EPHA3: variants seen among roughly 807,000 people sequenced by gnomAD.
EPHA3 encodes ephrin type-A receptor 3.
In EPHA3, 42 loss-of-function variants were observed where a neutral mutation model predicts 107.1. The ratio of observed to expected loss-of-function variants is 0.39; its 90% CI spans 0.31 to 0.51. The LOEUF (loss-of-function observed/expected upper bound fraction) is 0.51. Ranked by LOEUF, EPHA3 falls within the 20% of genes least tolerant of loss-of-function variation. The pLI is 0.78. For synonymous variants in EPHA3, 461 were observed against 424.8 expected, an observed-to-expected ratio of 1.09 and a Z score of -1.05; for missense variants, 1,183 against 1,211.2, an observed-to-expected ratio of 0.98 and a Z score of 0.35.
chr3:89,469,364 T>C (rs1244700037), intron 15 of EPHA3, among the ~76,000 whole-genome samples: 2 of 152,134 alleles, frequency 1.3e-5, no homozygotes, highest in African/African-American at 4.8e-5. Flanking sequence ...AAACTCAGGG[T>C]TAAAACTGCA....
chr3:89,422,914 G>C (rs1016957651), intron 11 of EPHA3, among the ~76,000 whole-genome samples: 1 of 151,322 alleles, frequency 6.6e-6, no homozygotes, highest in Non-Finnish European at 1.5e-5. Context: ...GAGAAGGTGA[G>C]AGAGTCTCTG....
intron 5 of EPHA3, among the ~76,000 whole-genome samples, chr3:89,393,466 G>A (rs577870693): frequency 6.6e-6 from 1 of 152,156 alleles, no homozygotes; most frequent in Non-Finnish European, 1.5e-5. Flanking sequence ...TTTTTTAAAG[G>A]AGAGATGCTG....
chr3:89,251,565 C>T (rs1705168424), intron 3 of EPHA3, among the ~76,000 whole-genome samples: 1 of 152,014 alleles, frequency 6.6e-6, no homozygotes. Flanking sequence ...AAACCACAGT[C>T]AGTAAAAGCT....
intron 15 of EPHA3, among the ~76,000 whole-genome samples, chr3:89,468,720 A>G (rs1383854917): frequency 1.3e-5 from 2 of 152,106 alleles, no homozygotes; most frequent in African/African-American, 2.4e-5. Context: ...ATTCTTATCA[A>G]TTTTTTAGTG....
chr3:89,345,606 C>CTTTTTTTTTTTTTTTTTTTTT (rs528144226), intron 5 of EPHA3, among the ~76,000 whole-genome samples: 1 of 136,656 alleles, frequency 7.3e-6, no homozygotes. Context: ...GTGACAATTT[C>CTTTTTTTTTTTTTTTTTTTTT]TTTTTTTTTT....
chr3:89,476,067 AG>A (rs143428154), intron 16 of EPHA3, among the ~76,000 whole-genome samples: 11,787 of 149,808 alleles, frequency 0.079, 577 homozygotes, highest in Middle Eastern at 0.13. Context: ...ATTTGCATTA[AG>A]TAAAAAAATT....
intron 2 of EPHA3, among the ~76,000 whole-genome samples, chr3:89,166,827 A>G (rs1355452391): frequency 1.3e-5 from 2 of 152,194 alleles, no homozygotes; most frequent in Non-Finnish European, 1.5e-5. Context: ...GTGCTTTTGA[A>G]TGGATAATTC....
intron 5 of EPHA3, among the ~76,000 whole-genome samples, chr3:89,395,234 T>C (rs1329479170): frequency 6.6e-6 from 1 of 152,208 alleles, no homozygotes; most frequent in Non-Finnish European, 1.5e-5. Flanking sequence ...GAAATAAAAC[T>C]GTACAAAAGA....
At chr3:89,338,641 C>T (rs1266138292) in intron 3 of EPHA3, among the ~76,000 whole-genome samples, 1 of 152,218 alleles carries the variant, frequency 6.6e-6, no homozygotes, top group Non-Finnish European at 1.5e-5. Flanking sequence ...CTCCGCCTCC[C>T]TGGTTCCCGC....
At chr3:89,254,167 T>G (rs1216074456) in intron 3 of EPHA3, among the ~76,000 whole-genome samples, 1 of 152,148 alleles carries the variant, frequency 6.6e-6, no homozygotes, top group East Asian at 1.9e-4. Flanking sequence ...CTCTTATACT[T>G]AGTAACAATA....
chr3:89,242,730 C>T (rs1378755093), intron 3 of EPHA3, among the ~76,000 whole-genome samples: 1 of 151,890 alleles, frequency 6.6e-6, no homozygotes, highest in Admixed American at 6.6e-5. Flanking sequence ...AGCCACTGTG[C>T]CTGGCCTAGT....
intron 3 of EPHA3, among the ~76,000 whole-genome samples, chr3:89,256,443 C>T (rs952843287): frequency 9.5e-5 from 14 of 147,192 alleles, no homozygotes; most frequent in Admixed American, 6.1e-4. Flanking sequence ...TGTTGGAGTG[C>T]GCCTGTAGTC....
chr3:89,211,773 C>T (rs1194760788), intron 3 of EPHA3, among the ~76,000 whole-genome samples: 1 of 136,980 alleles, frequency 7.3e-6, no homozygotes, highest in Non-Finnish European at 1.5e-5. Flanking sequence ...TCTTCTTCTT[C>T]TTCTTCTTCT....
chr3:89,136,330 C>CTTTTTTTTTTTTTTT (rs67054298), intron 2 of EPHA3, among the ~76,000 whole-genome samples: 603 of 23,380 alleles, frequency 0.026, 192 homozygotes, highest in Admixed American at 0.032. Context: ...ATCTTACAGG[C>CTTTTTTTTTTTTTTT]TTTTTTTTTT....
chr3:89,212,590 A>G (rs1490997669), intron 3 of EPHA3, among the ~76,000 whole-genome samples: 1 of 27,496 alleles, frequency 3.6e-5, no homozygotes. Context: ...AGGAAACATC[A>G]TGATTTTTTT....
Position 89,316,068 on chromosome 3 carries a change from C to CA in EPHA3, c.815-24842dup, listed in dbSNP as rs201877967. ...AAAGGCACTCCTTGAAAAAATAACG[C>CA]AAAAAATAAGTTGCCATAACCCACA... On this transcript the variant is annotated intron_variant, in intron 3 of 16. Coordinates refer to ENST00000336596, the MANE Select transcript of EPHA3 (RefSeq NM_005233.6). 8.0e-3 allele frequency among the ~76,000 whole-genome samples: 1,220 copies of CA among 151,702 alleles called. 16 individuals carry two copies. Among genetic ancestry groups the CA allele is most frequent in the African/African-American group, 0.028 (1,143 of 41,444 alleles).
At chr3:89,348,327 T>C (rs1707723243) in intron 5 of EPHA3, among the ~76,000 whole-genome samples, 1 of 139,890 alleles carries the variant, frequency 7.1e-6, no homozygotes, top group African/African-American at 2.7e-5. Context: ...TTCAACTTCT[T>C]CCTGGTTTAG....
intron 7 of EPHA3, among the ~76,000 whole-genome samples, chr3:89,401,363 C>T (rs558514620): frequency 6.6e-6 from 1 of 152,256 alleles, no homozygotes; most frequent in East Asian, 1.9e-4. Context: ...TTAAAGACTT[C>T]TTTTAATCCT....
chr3:89,315,093 A>G (rs1290279115), intron 3 of EPHA3, among the ~76,000 whole-genome samples: 1 of 151,872 alleles, frequency 6.6e-6, no homozygotes, highest in Non-Finnish European at 1.5e-5. Flanking sequence ...ATATGGCATT[A>G]TAATCTTATG....
Sources: gnomAD v4.1 joint callset for allele counts (sites outside exome capture counted in the v4.1 genomes callset) on GRCh38, gnomAD v4.1.1 for gene constraint, MANE v1.5 for transcripts, NCBI Gene and HGNC (gene_info 2026-07-23, HGNC 2026-07-21) for gene names.